The following WDFY1 variants were observed in gnomAD, a reference collection of about 807,000 sequenced individuals.
WDFY1 encodes the protein WD repeat and FYVE domain-containing protein 1.
Under a neutral mutation model 56.4 loss-of-function variants are expected in WDFY1, and 32 were observed. That is an observed-to-expected ratio of 0.57 (90% CI 0.43 to 0.76). The LOEUF (loss-of-function observed/expected upper bound fraction) is 0.76, where lower values mean the gene tolerates loss of function less well. Among genes scored for constraint, WDFY1 ranks in the 30% least tolerant of loss-of-function variants. The pLI is 0.00. For missense variants in WDFY1, 480 were observed against 545.7 expected (o/e 0.88, Z 1.20); for synonymous variants, 192 against 197.3 (o/e 0.97, Z 0.23).
intron 6 of WDFY1, among the ~76,000 whole-genome samples, chr2:223,898,099 G>A (rs894867182): frequency 1.3e-5 from 2 of 152,070 alleles, no homozygotes; most frequent in African/African-American, 4.8e-5. Flanking sequence ...TGTGTATGTG[G>A]CGAGTCACTC....
intron 5 of WDFY1, 59 bp from the exon 6 acceptor site, chr2:223,899,129 G>C: frequency 2.9e-6 from 4 of 1,376,790 alleles, no homozygotes; most frequent in Non-Finnish European, 4.1e-6. Flanking sequence ...TCTCATAAGA[G>C]AGATACCAGC....
At chr2:223,932,689 G>A (rs1694099164) in intron 1 of WDFY1, among the ~76,000 whole-genome samples, 1 of 151,884 alleles carries the variant, frequency 6.6e-6, no homozygotes, top group Non-Finnish European at 1.5e-5. Flanking sequence ...TACAAATTAA[G>A]TCCAAGGTCC....
chr2:223,943,599 T>C (rs1165822438), intron 1 of WDFY1, among the ~76,000 whole-genome samples: 1 of 152,230 alleles, frequency 6.6e-6, no homozygotes, highest in Non-Finnish European at 1.5e-5. Context: ...ACTTGTGGAC[T>C]ATCCCTATTT....
rs868504215 is a variant in WDFY1, at chr2:223,929,147, G to T, written c.138-11137C>A. Among the ~76,000 whole-genome samples the T allele has an allele frequency of 6.6e-5, 10 of 150,978 alleles. No homozygotes were observed. In the South Asian group the frequency reaches 1.5e-3, roughly 22 times the overall value. On this transcript the variant is annotated intron_variant, in intron 1 of 11. Coordinates refer to ENST00000233055, the MANE Select transcript of WDFY1 (RefSeq NM_020830.5). Reference sequence around the variant, plus strand: ...ATAAACTGTGCCTCTCCATCAGCATGTGTCCCTGTCTAACTTCTTTTTTTT... The same window carrying T: ...ATAAACTGTGCCTCTCCATCAGCATTTGTCCCTGTCTAACTTCTTTTTTTT...
chr2:223,922,771 A>C lies in WDFY1; in HGVS notation c.138-4761T>G, dbSNP rs962395985. 2.6e-5 allele frequency among the ~76,000 whole-genome samples: 4 copies of C among 152,290 alleles called. No individual in the cohort carries two copies. In the East Asian group the frequency reaches 7.7e-4, roughly 29 times the overall value. On this transcript the variant is annotated intron_variant, in intron 1 of 11. Coordinates refer to ENST00000233055, the MANE Select transcript of WDFY1 (RefSeq NM_020830.5). ...CAGAGAACTCTGCTGGGAGGAGAAA[A>C]TCTTAAAGGTTGTCTCTTCCAACCA... is the stretch of plus-strand genomic sequence containing the variant.
intron 4 of WDFY1, among the ~76,000 whole-genome samples, chr2:223,904,730 A>G (rs1693569062): frequency 6.6e-6 from 1 of 152,226 alleles, no homozygotes; most frequent in Admixed American, 6.5e-5. Context: ...ATAAAATTTT[A>G]GAAATATAGA....
chr2:223,910,003 G>C (rs940826368), intron 3 of WDFY1, among the ~76,000 whole-genome samples: 3 of 152,060 alleles, frequency 2.0e-5, no homozygotes, highest in Admixed American at 2.0e-4. Flanking sequence ...TGCATGACCC[G>C]GCCTCTGCCC....
intron 1 of WDFY1, among the ~76,000 whole-genome samples, chr2:223,931,466 G>A (rs1694071125): frequency 6.6e-6 from 1 of 152,126 alleles, no homozygotes; most frequent in Non-Finnish European, 1.5e-5. Flanking sequence ...ATAATAAGTA[G>A]AAGGATTCCT....
Position 223,945,300 on chromosome 2 carries a change from G to A in WDFY1, c.-16C>T. ...CGGCCGCCATGTTCGCGCGGCGACT[G>A]CTGCGGCCTCCTCGGCAGGCAGCCC... On this transcript the variant is annotated 5_prime_UTR_variant, in exon 1 of 12. It introduces an in-frame stop codon into an upstream open reading frame of the 5' UTR. Coordinates refer to ENST00000233055, the MANE Select transcript of WDFY1 (RefSeq NM_020830.5). 2 of 1,559,418 alleles carry A rather than the reference G, an allele frequency of 1.3e-6. No individual in the cohort carries two copies. The highest frequency in any genetic ancestry group is 2.3e-5 in the South Asian group (2 of 87,158).
At chr2:223,883,198 A>G (rs1480939759) in intron 9 of WDFY1, among the ~76,000 whole-genome samples, 1 of 152,208 alleles carries the variant, frequency 6.6e-6, no homozygotes, top group Non-Finnish European at 1.5e-5. Flanking sequence ...AATAAGTTTT[A>G]AATGCACTAT....
chr2:223,888,738 C>A (rs1351444874), intron 8 of WDFY1, among the ~76,000 whole-genome samples: 1 of 151,114 alleles, frequency 6.6e-6, no homozygotes, highest in Non-Finnish European at 1.5e-5. Context: ...AGGTGCCCAC[C>A]ACCACACCCA....
At chr2:223,896,181 A>AAAAAAAAAAAAAAAAAT (rs1307780670) in intron 6 of WDFY1, among the ~76,000 whole-genome samples, 1 of 139,108 alleles carries the variant, frequency 7.2e-6, no homozygotes, top group African/African-American at 2.6e-5. Context: ...AAAAAAAAAA[A>AAAAAAAAAAAAAAAAAT]AACTGCTTGT....
intron 9 of WDFY1, among the ~76,000 whole-genome samples, chr2:223,883,524 C>A (rs1317374261): frequency 1.3e-5 from 2 of 152,218 alleles, no homozygotes; most frequent in Non-Finnish European, 2.9e-5. Flanking sequence ...ACAGACAGAA[C>A]TCAGGTGCTA....
intron 1 of WDFY1, among the ~76,000 whole-genome samples, chr2:223,919,355 C>T (rs143037544): frequency 0.015 from 2,304 of 152,234 alleles, 63 homozygotes; most frequent in African/African-American, 0.05. Flanking sequence ...GGATTACAGG[C>T]GCACGCCACC....
intron 5 of WDFY1, chr2:223,900,942 A>G: frequency 2.3e-6 from 1 of 442,478 alleles, no homozygotes; most frequent in Admixed American, 4.1e-5. Context: ...AATAAACCCA[A>G]TTTACAGCAA....
intron 8 of WDFY1, among the ~76,000 whole-genome samples, chr2:223,887,503 C>T (rs900692878): frequency 4.6e-5 from 7 of 152,266 alleles, no homozygotes; most frequent in Admixed American, 6.5e-5. Context: ...GCAGGGAATT[C>T]GATGTTTAAT....
rs985639952 is a variant in WDFY1, at chr2:223,877,875, T to C, written c.*796A>G. ...TGGGTTTTCCATCAGTCATTACTAA[T>C]GGCAATGAGAAAAAGTCAGGCGGCT... On this transcript the variant is annotated 3_prime_UTR_variant, in exon 12 of 12. Transcript: ENST00000233055. 5 of 152,628 alleles carry C rather than the reference T, an allele frequency of 3.3e-5. No homozygotes were observed. Among genetic ancestry groups the C allele is most frequent in the African/African-American group, 9.6e-5 (4 of 41,452 alleles). The allele number at this position is 152,628 out of a possible 1,614,324, so 9.5% of individuals were successfully genotyped here.
In WDFY1 at chr2:223,875,838, C is replaced by T. The variant is rs1023806712; in HGVS notation, c.*2833G>A. The T allele has an allele frequency of 6.6e-6, 1 of 152,030 alleles. No homozygotes were observed. The highest frequency in any genetic ancestry group is 1.5e-5 in the Non-Finnish European group (1 of 67,998). 9.4% of individuals were successfully genotyped at this position (152,030 alleles called of 1,614,324 possible). ...AATAACGGAAGTAGAAGTACTTTAACGAAAACTGATTTTAGAAAAATATCT... is the reference window on the plus strand; with the variant it reads ...AATAACGGAAGTAGAAGTACTTTAATGAAAACTGATTTTAGAAAAATATCT... On this transcript the variant is annotated 3_prime_UTR_variant, in exon 12 of 12. Coordinates refer to ENST00000233055, the MANE Select transcript of WDFY1 (RefSeq NM_020830.5).
chr2:223,897,915 A>C (rs971034301), intron 6 of WDFY1, among the ~76,000 whole-genome samples: 3 of 151,992 alleles, frequency 2.0e-5, no homozygotes, highest in African/African-American at 7.2e-5. Context: ...CTATGACTGT[A>C]AGCTTCCTAA....
Sources: allele counts gnomAD v4.1 joint callset (sites outside exome capture counted in the v4.1 genomes callset), GRCh38; gene constraint gnomAD v4.1.1; transcripts MANE v1.5; gene names NCBI Gene and HGNC (gene_info 2026-07-23, HGNC 2026-07-21).